Variants in MBNL2 observed in about 807,000 individuals in gnomAD.
The protein encoded by MBNL2 is muscleblind like splicing regulator 2, also known as muscleblind-like protein 2.
Under a neutral mutation model 41.9 loss-of-function variants are expected in MBNL2, and 17 were observed. The ratio of observed to expected loss-of-function variants is 0.41; its 90% CI spans 0.28 to 0.61. MBNL2 has a LOEUF of 0.61. MBNL2 is among the 20% of genes least tolerant of loss of function. The pLI, the probability that MBNL2 is intolerant of heterozygous loss-of-function variation, is 0.35. For synonymous variants in MBNL2, 195 were observed against 182.9 expected (o/e 1.07, Z -0.53); for missense variants, 336 against 505.6 (o/e 0.66, Z 3.22).
At chr13:97,255,735 T>C (rs1273386303) in intron 1 of MBNL2, among the ~76,000 whole-genome samples, 1 of 152,186 alleles carries the variant, frequency 6.6e-6, no homozygotes, top group East Asian at 1.9e-4. Flanking sequence ...GTTTAGGACC[T>C]CATGTGCTGT....
intron 2 of MBNL2, among the ~76,000 whole-genome samples, chr13:97,303,289 A>C (rs1168472564): frequency 6.6e-6 from 1 of 152,164 alleles, no homozygotes; most frequent in Non-Finnish European, 1.5e-5. Flanking sequence ...CAGAAGTCAC[A>C]AGGCAAATAC....
chr13:97,216,449 A>T (rs1594048160), upstream of MBNL2, among the ~76,000 whole-genome samples: 1 of 152,210 alleles, frequency 6.6e-6, no homozygotes, highest in Non-Finnish European at 1.5e-5. Context: ...AAGAGGCGGG[A>T]TAGGCTTGAA....
upstream of MBNL2, among the ~76,000 whole-genome samples, chr13:97,218,440 C>CA (rs372883729): frequency 0.013 from 1,581 of 117,960 alleles, 28 homozygotes; most frequent in Middle Eastern, 0.02. Context: ...CAAAACAAAA[C>CA]AAAAAAAAAA....
intron 8 of MBNL2, among the ~76,000 whole-genome samples, chr13:97,368,732 G>A (rs1316212239): frequency 6.6e-6 from 1 of 151,670 alleles, no homozygotes; most frequent in Non-Finnish European, 1.5e-5. Context: ...GTGTGTTCGT[G>A]TCTGTGTATG....
At chr13:97,341,550 A>G (rs903004352) in intron 3 of MBNL2, among the ~76,000 whole-genome samples, 2 of 152,160 alleles carry the variant, frequency 1.3e-5, no homozygotes, top group East Asian at 3.8e-4. Context: ...TCTATTTCCC[A>G]CATTCAGACC....
At chr13:97,315,664 C>T (rs897330385) in intron 2 of MBNL2, among the ~76,000 whole-genome samples, 6 of 152,178 alleles carry the variant, frequency 3.9e-5, no homozygotes, top group African/African-American at 1.4e-4. Flanking sequence ...TGAGCAAACT[C>T]ATAGACGAGG....
chr13:97,206,069 A>G, the MBNL2 span, among the ~76,000 whole-genome samples: 2 of 152,206 alleles, frequency 1.3e-5, no homozygotes, highest in Admixed American at 1.3e-4. Context: ...CAATCAATAT[A>G]AAAGCCAATG....
intron 2 of MBNL2, among the ~76,000 whole-genome samples, chr13:97,328,724 C>T (rs2060124668): frequency 6.6e-6 from 1 of 152,134 alleles, no homozygotes; most frequent in Admixed American, 6.5e-5. Context: ...ATTGCTTTTC[C>T]CATGAAAAAC....
chr13:97,149,493 G>A, the MBNL2 span, among the ~76,000 whole-genome samples: 49 of 152,180 alleles, frequency 3.2e-4, no homozygotes, highest in Non-Finnish European at 6.3e-4. Context: ...CTGACTAGGG[G>A]CAGACATGCT....
At chr13:97,145,462 G>A in the MBNL2 span, among the ~76,000 whole-genome samples, 3 of 152,232 alleles carry the variant, frequency 2.0e-5, no homozygotes, top group African/African-American at 7.2e-5. Flanking sequence ...AGAAGAAAGA[G>A]AAAAGTGTCC....
upstream of MBNL2, among the ~76,000 whole-genome samples, chr13:97,217,669 A>C (rs140554598): frequency 3.4e-4 from 52 of 152,324 alleles, no homozygotes; most frequent in East Asian, 9.1e-3. Context: ...AAGTGACTTC[A>C]AGAGGAGGGT....
chr13:97,153,537 T>C, the MBNL2 span, among the ~76,000 whole-genome samples: 1 of 152,110 alleles, frequency 6.6e-6, no homozygotes, highest in African/African-American at 2.4e-5. Context: ...CGTAGAACAA[T>C]TTTCATTTTT....
intron 2 of MBNL2, among the ~76,000 whole-genome samples, chr13:97,286,404 A>G (rs1172970410): frequency 1.3e-5 from 2 of 152,142 alleles, no homozygotes; most frequent in Non-Finnish European, 2.9e-5. Context: ...ATCCTAAACT[A>G]GAGCACTTTT....
At chr13:97,160,225 G>C in the MBNL2 span, among the ~76,000 whole-genome samples, 8 of 152,190 alleles carry the variant, frequency 5.3e-5, no homozygotes, top group African/African-American at 1.9e-4. Flanking sequence ...TGCCTGTCAA[G>C]CCAATTACAT....
chr13:97,210,214 A>T, the MBNL2 span, among the ~76,000 whole-genome samples: 1 of 152,264 alleles, frequency 6.6e-6, no homozygotes, highest in African/African-American at 2.4e-5. Flanking sequence ...GATGTTACAT[A>T]ACTCAGAGTA....
chr13:97,336,696 C>T (rs1234206072), intron 3 of MBNL2, among the ~76,000 whole-genome samples: 1 of 152,090 alleles, frequency 6.6e-6, no homozygotes, highest in African/African-American at 2.4e-5. Flanking sequence ...GATTTTGGCC[C>T]AGTGAAACCG....
chr13:97,184,437 C>T, the MBNL2 span, among the ~76,000 whole-genome samples: 4 of 152,276 alleles, frequency 2.6e-5, no homozygotes, highest in South Asian at 2.1e-4. Context: ...TTCCAGCTGT[C>T]GTCCTCATGG....
At chr13:97,217,271 C>T (rs1028575452), upstream of MBNL2, among the ~76,000 whole-genome samples, 2 of 151,976 alleles carry the variant, frequency 1.3e-5, no homozygotes, top group African/African-American at 4.8e-5. Context: ...TCCATTTAAC[C>T]ATTCAACAAC....
the MBNL2 span, among the ~76,000 whole-genome samples, chr13:97,188,885 C>T: frequency 6.6e-6 from 1 of 152,208 alleles, no homozygotes; most frequent in East Asian, 1.9e-4. Context: ...GCCCAAAATT[C>T]CTGAAAGATC....
Sources: allele counts gnomAD v4.1 joint callset (sites outside exome capture counted in the v4.1 genomes callset), GRCh38; gene constraint gnomAD v4.1.1; transcripts MANE v1.5; gene names NCBI Gene and HGNC (gene_info 2026-07-23, HGNC 2026-07-21).